Variants in LINGO2 observed in about 807,000 individuals in gnomAD.
LINGO2 encodes the protein leucine rich repeat and Ig domain containing 2, also known as leucine-rich repeat and immunoglobulin-like domain-containing nogo receptor-interacting protein 2.
Under a neutral mutation model 30.6 loss-of-function variants are expected in LINGO2, and 14 were observed. That is an observed-to-expected ratio of 0.46 (90% confidence interval 0.30 to 0.72). The LOEUF (loss-of-function observed/expected upper bound fraction) is 0.72. Among genes scored for constraint, LINGO2 ranks in the 30% least tolerant of loss-of-function variants. The pLI is 0.07. For missense variants in LINGO2, 729 were observed against 751.7 expected, an observed-to-expected ratio of 0.97 and a Z score of 0.35; for synonymous variants, 317 against 288.5, an observed-to-expected ratio of 1.10 and a Z score of -1.00.
the LINGO2 span, among the ~76,000 whole-genome samples, chr9:28,712,392 C>A: frequency 1.3e-5 from 2 of 151,626 alleles, no homozygotes. Flanking sequence ...TTAAAAAGAA[C>A]ATAGTTTTAC....
the LINGO2 span, among the ~76,000 whole-genome samples, chr9:28,729,850 G>A: frequency 6.6e-6 from 1 of 151,664 alleles, no homozygotes; most frequent in African/African-American, 2.4e-5. Flanking sequence ...ATGACTAGGG[G>A]TCCAAAAAGC....
intron 4 of LINGO2, among the ~76,000 whole-genome samples, chr9:28,023,720 T>C (rs961475076): frequency 6.6e-6 from 1 of 152,180 alleles, no homozygotes; most frequent in East Asian, 1.9e-4. Flanking sequence ...TATTTCACAA[T>C]GGTAACTCTT....
intron 3 of LINGO2, among the ~76,000 whole-genome samples, chr9:28,370,129 T>A (rs1425365886): frequency 6.6e-6 from 1 of 152,176 alleles, no homozygotes; most frequent in Non-Finnish European, 1.5e-5. Context: ...TTATTCCTAA[T>A]CTTTCTTCTG....
At chr9:28,282,413 T>A (rs1823359892) in intron 4 of LINGO2, among the ~76,000 whole-genome samples, 1 of 149,036 alleles carries the variant, frequency 6.7e-6, no homozygotes, top group African/African-American at 2.5e-5. Context: ...TCAGGATAGT[T>A]TTTTTTTTTT....
At chr9:28,826,533 A>G in the LINGO2 span, among the ~76,000 whole-genome samples, 140 of 152,222 alleles carry the variant, frequency 9.2e-4, no homozygotes, top group Non-Finnish European at 1.7e-3. Flanking sequence ...CAGTCTTGTT[A>G]AATATGCTCC....
At chr9:28,244,066 A>G (rs1396677175) in intron 4 of LINGO2, among the ~76,000 whole-genome samples, 1 of 150,072 alleles carries the variant, frequency 6.7e-6, no homozygotes, top group Non-Finnish European at 1.5e-5. Context: ...AATTGACCAC[A>G]TAATTGGAAG....
At chr9:28,909,822 A>C in the LINGO2 span, among the ~76,000 whole-genome samples, 137,048 of 152,012 alleles carry the variant, frequency 0.9, 62,012 homozygotes, top group Non-Finnish European at 0.94. Context: ...AAGACATATA[A>C]TATTAAAGAG....
Position 28,174,919 on chromosome 9 carries a change from T to TGAGA in LINGO2, c.-87+120288_-87+120289insTCTC, listed in dbSNP as rs1438795846. 4.8e-4 allele frequency among the ~76,000 whole-genome samples: 68 copies of TGAGA among 142,482 alleles called. No homozygotes were observed. The East Asian group carries it at 0.011, about 22-fold the overall frequency. 93.5% of individuals were successfully genotyped at this position (142,482 alleles called of 152,430 possible). On this transcript the variant is annotated intron_variant, in intron 4 of 5. Transcript: ENST00000379992. ...GTCTCTGTGTGTGTGTGTGTGTGTG[T>TGAGA]GTGAGAGAGAGAGAGAGAGAGAGAG...
At chr9:28,728,716 T>TAA in the LINGO2 span, among the ~76,000 whole-genome samples, 1 of 151,646 alleles carries the variant, frequency 6.6e-6, no homozygotes. Flanking sequence ...ATAAACCTCA[T>TAA]AAGGAATGGG....
At chr9:28,621,002 A>C (rs1302604140) in intron 1 of LINGO2, among the ~76,000 whole-genome samples, 3 of 152,068 alleles carry the variant, frequency 2.0e-5, no homozygotes, top group Admixed American at 6.6e-5. Flanking sequence ...AACCAGTGGA[A>C]GGTAAAGTGC....
intron 4 of LINGO2, among the ~76,000 whole-genome samples, chr9:28,144,707 A>G (rs1827766379): frequency 6.6e-6 from 1 of 152,248 alleles, no homozygotes; most frequent in East Asian, 1.9e-4. Context: ...TAGTAACAAC[A>G]AGAGACAATG....
intron 1 of LINGO2, among the ~76,000 whole-genome samples, chr9:28,545,212 G>T (rs1441099000): frequency 1.3e-5 from 2 of 152,038 alleles, no homozygotes; most frequent in Non-Finnish European, 2.9e-5. Context: ...GAACTGAGGG[G>T]AGGCAGACAA....
At chr9:28,153,666 C>G (rs1402443936) in intron 4 of LINGO2, among the ~76,000 whole-genome samples, 1 of 152,042 alleles carries the variant, frequency 6.6e-6, no homozygotes, top group Non-Finnish European at 1.5e-5. Flanking sequence ...TAAACGTTTT[C>G]TAATTGTTAA....
the LINGO2 span, among the ~76,000 whole-genome samples, chr9:29,028,825 A>C: frequency 6.6e-6 from 1 of 152,182 alleles, no homozygotes; most frequent in African/African-American, 2.4e-5. Context: ...CAAGGCTATC[A>C]GAACTTAGAT....
chr9:28,411,243 C>A (rs922004325), intron 2 of LINGO2, among the ~76,000 whole-genome samples: 1 of 151,916 alleles, frequency 6.6e-6, no homozygotes, highest in East Asian at 1.9e-4. Context: ...ATTTAATAAA[C>A]CACATGCTCC....
intron 4 of LINGO2, among the ~76,000 whole-genome samples, chr9:28,188,191 T>A (rs920915184): frequency 1.3e-5 from 2 of 152,128 alleles, no homozygotes; most frequent in South Asian, 2.1e-4. Context: ...TTCAAATGAG[T>A]CTAACTCATA....
the LINGO2 span, among the ~76,000 whole-genome samples, chr9:28,856,391 A>G: frequency 6.6e-6 from 1 of 152,158 alleles, no homozygotes; most frequent in South Asian, 2.1e-4. Flanking sequence ...AGAGACTAAT[A>G]TTAACCAATA....
chr9:29,202,879 A>C, the LINGO2 span, among the ~76,000 whole-genome samples: 1 of 152,080 alleles, frequency 6.6e-6, no homozygotes, highest in Non-Finnish European at 1.5e-5. Context: ...TCTTTTTAGC[A>C]GTCAACCATA....
At chr9:28,515,906 C>CT (rs1820601895) in intron 1 of LINGO2, among the ~76,000 whole-genome samples, 1 of 152,124 alleles carries the variant, frequency 6.6e-6, no homozygotes, top group Admixed American at 6.5e-5. Flanking sequence ...ATGCAGCAAA[C>CT]TTCTTTTGTT....
Sources: allele counts gnomAD v4.1 joint callset (sites outside exome capture counted in the v4.1 genomes callset), GRCh38; gene constraint gnomAD v4.1.1; transcripts MANE v1.5; gene names NCBI Gene and HGNC (gene_info 2026-07-23, HGNC 2026-07-21).